The following FOXO1 variants were observed in gnomAD, a reference collection of about 807,000 sequenced individuals.
The protein encoded by FOXO1 is forkhead box O1.
Under a neutral mutation model 44.1 loss-of-function variants are expected in FOXO1, and 6 were observed. The ratio of observed to expected loss-of-function variants is 0.14; its 90% CI spans 0.07 to 0.27. FOXO1 has a LOEUF of 0.27. Ranked by LOEUF, FOXO1 falls within the 10% of genes least tolerant of loss-of-function variation. The probability of loss-of-function intolerance (pLI) is 1.00; values close to 1 mark genes in which losing one functional copy is unlikely to be tolerated. For synonymous variants in FOXO1, 380 were observed against 362.7 expected (o/e 1.05, Z -0.54); for missense variants, 737 against 888.8 (o/e 0.83, Z 2.17).
chr13:40,639,761 GA>G (rs954706643), intron 1 of FOXO1, among the ~76,000 whole-genome samples: 1 of 152,212 alleles, frequency 6.6e-6, no homozygotes, highest in Non-Finnish European at 1.5e-5. Context: ...ATGTCAGAGG[GA>G]CCAGCTGAGA....
At chr13:40,609,812 G>A (rs1876164932) in intron 1 of FOXO1, among the ~76,000 whole-genome samples, 1 of 152,124 alleles carries the variant, frequency 6.6e-6, no homozygotes, top group African/African-American at 2.4e-5. Flanking sequence ...ATTTTTATGA[G>A]CCGCTCATTA....
At position 40,666,248 on chromosome 13, in the gene FOXO1, CA is replaced by C; in HGVS notation, c.-37del. The C allele has an allele frequency of 7.3e-7, 1 of 1,362,610 alleles. No individual in the cohort carries two copies. Among genetic ancestry groups the C allele is most frequent in the Non-Finnish European group, 9.5e-7 (1 of 1,057,250 alleles). The allele number at this position is 1,362,610 out of a possible 1,614,324, so 84.4% of individuals were successfully genotyped here. A position where few individuals can be genotyped will look rare whatever the true frequency, so the allele number is the denominator to read the frequency against. On this transcript the variant is annotated 5_prime_UTR_variant, in exon 1 of 3. Coordinates refer to ENST00000379561, the MANE Select transcript of FOXO1 (RefSeq NM_002015.4). The stretch of plus-strand genomic sequence containing the variant: ...GCCCCTCCCCCAGCCGCAGGAGAGC[CA>C]AGAGGGGGAGAACGCAGCACTGGGG...
intron 1 of FOXO1, chr13:40,618,729 A>C: frequency 2.4e-6 from 1 of 416,188 alleles, no homozygotes; most frequent in South Asian, 2.0e-5. Context: ...GAAAGCCAGG[A>C]ATCTCAGGAT....
In FOXO1 at chr13:40,613,312, C is replaced by G. The variant is rs887786894; in HGVS notation, c.630+52271G>C. Among the ~76,000 whole-genome samples, 21 of 152,168 alleles carry G rather than the reference C, an allele frequency of 1.4e-4. No homozygotes were observed. In the East Asian group the frequency reaches 3.9e-3, roughly 28 times the overall value. On this transcript the variant is annotated intron_variant, in intron 1 of 2. Coordinates refer to ENST00000379561, the MANE Select transcript of FOXO1 (RefSeq NM_002015.4). The stretch of plus-strand genomic sequence containing the variant: ...CTGTCATCTCTCTCTTCCTGAGGCA[C>G]ATAAGGATGTGACATAGTTACATGT...
At chr13:40,598,350 T>A (rs1468339569) in intron 1 of FOXO1, among the ~76,000 whole-genome samples, 3 of 152,156 alleles carry the variant, frequency 2.0e-5, no homozygotes, top group Non-Finnish European at 2.9e-5. Flanking sequence ...TACTGTTTCT[T>A]TAAAGAAGGG....
At chr13:40,586,886 G>A (rs1302708812) in intron 1 of FOXO1, among the ~76,000 whole-genome samples, 1 of 152,174 alleles carries the variant, frequency 6.6e-6, no homozygotes. Flanking sequence ...CCAAGGAAAG[G>A]AGACACGTTG....
chr13:40,616,495 GGA>G (rs1175318391), intron 1 of FOXO1, among the ~76,000 whole-genome samples: 4 of 152,296 alleles, frequency 2.6e-5, no homozygotes, highest in Middle Eastern at 6.8e-3. Flanking sequence ...GAACAAGACA[GGA>G]AAAAGGATTT....
intron 2 of FOXO1, 59 bp downstream of exon 2, chr13:40,559,450 T>C: frequency 6.9e-7 from 1 of 1,455,456 alleles, no homozygotes; most frequent in Non-Finnish European, 9.2e-7. Flanking sequence ...CAAGTTACTG[T>C]GTTCCTCGCT....
intron 1 of FOXO1, among the ~76,000 whole-genome samples, chr13:40,623,363 G>A (rs553233428): frequency 1.2e-3 from 185 of 152,062 alleles, no homozygotes; most frequent in Non-Finnish European, 2.1e-3. Context: ...CTGCATTTAC[G>A]TCTGTGTGTA....
In FOXO1 at chr13:40,625,677, T is replaced by G. The variant is rs946352076; in HGVS notation, c.630+39906A>C. Among the ~76,000 whole-genome samples, 113 of 151,438 alleles carry G rather than the reference T, an allele frequency of 7.5e-4. 1 individual carries two copies. Among genetic ancestry groups the G allele is most frequent in the Admixed American group, 1.3e-3 (20 of 15,178 alleles). On this transcript the variant is annotated intron_variant, in intron 1 of 2. Coordinates refer to ENST00000379561, the MANE Select transcript of FOXO1 (RefSeq NM_002015.4). ...TCACTTTAAAAAAAAAAAAAAAGTT[T>G]AATTTTCCACAGGGTGGGAATGTGA... is the stretch of plus-strand genomic sequence containing the variant.
At chr13:40,584,436 C>A (rs990222961) in intron 1 of FOXO1, among the ~76,000 whole-genome samples, 1 of 116,116 alleles carries the variant, frequency 8.6e-6, no homozygotes, top group Non-Finnish European at 1.7e-5. Flanking sequence ...CCAGCCTGGG[C>A]AACATGGAGA....
At chr13:40,583,492 T>C (rs148958480) in intron 1 of FOXO1, among the ~76,000 whole-genome samples, 12 of 152,362 alleles carry the variant, frequency 7.9e-5, no homozygotes, top group Middle Eastern at 3.4e-3. Context: ...ATCTGTTGTT[T>C]AGTGTGGCCA....
rs1349536823 is a variant in FOXO1 at position 40,665,952 on chromosome 13, G to T, written c.261C>A (p.Pro87=). ...LEESEDFPQA[P]GSVAAAVAAA... ...CCGCCACCGCCGCCGCCACGGAGCC[G>T]GGCGCCTGCGGGAAGTCCTCGCTCT... The change falls in exon 1 of 3, where the codon CCC becomes CCA. Residue 87 remains proline (P), a synonymous_variant. Coordinates refer to ENST00000379561, the MANE Select transcript of FOXO1 (RefSeq NM_002015.4). The T allele has an allele frequency of 1.2e-5, 15 of 1,226,308 alleles. No homozygotes were observed. The highest frequency in any genetic ancestry group is 1.5e-5 in the Non-Finnish European group (15 of 987,276). The allele number at this position is 1,226,308 out of a possible 1,614,324, so 76.0% of individuals were successfully genotyped here.
At chr13:40,611,481 C>T (rs550257504) in intron 1 of FOXO1, among the ~76,000 whole-genome samples, 8 of 152,344 alleles carry the variant, frequency 5.3e-5, no homozygotes, top group Admixed American at 2.6e-4. Context: ...ATATTCATCG[C>T]TTCTGCTGAT....
At chr13:40,591,456 T>G (rs1875366724) in intron 1 of FOXO1, among the ~76,000 whole-genome samples, 2 of 152,058 alleles carry the variant, frequency 1.3e-5, no homozygotes, top group Admixed American at 6.5e-5. Context: ...TCCAGAGACC[T>G]CCAGGAATGG....
chr13:40,628,736 C>T (rs963114970), intron 1 of FOXO1, among the ~76,000 whole-genome samples: 7 of 152,292 alleles, frequency 4.6e-5, no homozygotes, highest in African/African-American at 1.7e-4. Context: ...TATAGAAGTA[C>T]TTTGAAATAA....
At chr13:40,619,967 G>A (rs773187394) in intron 1 of FOXO1, 3 of 683,578 alleles carry the variant, frequency 4.4e-6, no homozygotes, top group Admixed American at 2.2e-5. Context: ...ATAAGTAGCC[G>A]AAGCTGTTCA....
intron 1 of FOXO1, among the ~76,000 whole-genome samples, chr13:40,653,846 G>T (rs546522348): frequency 1.3e-5 from 2 of 151,964 alleles, no homozygotes; most frequent in Non-Finnish European, 2.9e-5. Context: ...GGGAAACCAC[G>T]GTTTTAAACA....
chr13:40,576,361 T>C (rs930156766), intron 1 of FOXO1, among the ~76,000 whole-genome samples: 1 of 152,122 alleles, frequency 6.6e-6, no homozygotes, highest in Non-Finnish European at 1.5e-5. Flanking sequence ...ATGCAGAACC[T>C]AGAGCAAAGC....
Sources: allele counts gnomAD v4.1 joint callset (sites outside exome capture counted in the v4.1 genomes callset), GRCh38; gene constraint gnomAD v4.1.1; transcripts MANE v1.5; gene names NCBI Gene and HGNC (gene_info 2026-07-23, HGNC 2026-07-21).